SERBP1: variants seen among roughly 807,000 people sequenced by gnomAD.
SERBP1 encodes SERPINE1 mRNA binding protein 1.
In SERBP1, 6 loss-of-function variants were observed where a neutral mutation model predicts 50.2. The ratio of observed to expected loss-of-function variants is 0.12; its 90% confidence interval spans 0.07 to 0.24. The LOEUF is 0.24. SERBP1 is among the 10% of genes least tolerant of loss of function. The probability of loss-of-function intolerance (pLI) is 1.00; values close to 1 mark genes in which losing one functional copy is unlikely to be tolerated. For missense variants in SERBP1, 346 were observed against 524.9 expected (o/e 0.66, Z 3.33); for synonymous variants, 168 against 182.8 (o/e 0.92, Z 0.65).
In SERBP1 at chr1:67,412,263, CCAGA is replaced by C. The variant is rs1234731204; in HGVS notation, c.*940_*943del. On this transcript the variant is annotated 3_prime_UTR_variant, in exon 8 of 8. Transcript: ENST00000361219. ...CACACACAGAAATCATACCAAATGGCCAGACACTTATTTTACAGAACAGTTTAAA... is the reference window on the plus strand; with the variant it reads ...CACACACAGAAATCATACCAAATGGCCACTTATTTTACAGAACAGTTTAAA... 2 of 152,632 alleles carry C rather than the reference CCAGA, an allele frequency of 1.3e-5. No individual in the cohort carries two copies. Among genetic ancestry groups the C allele is most frequent in the African/African-American group, 2.4e-5 (1 of 41,448 alleles). 9.5% of individuals were successfully genotyped at this position (152,632 alleles called of 1,614,324 possible).
chr1:67,420,362 A>T, intron 5 of SERBP1, 176 bp from the exon 6 acceptor site: 1 of 542,382 alleles, frequency 1.8e-6, no homozygotes, highest in Non-Finnish European at 3.2e-6. Context: ...GAGACCAGGA[A>T]TTCAGTGTTT....
chr1:67,419,888 C>A, intron 6 of SERBP1, 121 bp downstream of exon 6: 1 of 800,176 alleles, frequency 1.2e-6, no homozygotes, highest in Non-Finnish European at 2.0e-6. Flanking sequence ...TTATCTGCCC[C>A]AAATGATCCT....
chr1:67,416,356 CTCTTT>C (rs1570283522), intron 6 of SERBP1, among the ~76,000 whole-genome samples: 1 of 152,172 alleles, frequency 6.6e-6, no homozygotes, highest in East Asian at 1.9e-4. Context: ...AATCCAGATC[CTCTTT>C]TCTATTTGCG....
intron 7 of SERBP1, among the ~76,000 whole-genome samples, chr1:67,414,185 C>T (rs1191822298): frequency 6.6e-6 from 1 of 152,202 alleles, no homozygotes; most frequent in African/African-American, 2.4e-5. Context: ...ACTTTTTCCA[C>T]TTGCTAAATA....
At chr1:67,423,524 T>G (rs1299624556) in intron 5 of SERBP1, among the ~76,000 whole-genome samples, 1 of 146,692 alleles carries the variant, frequency 6.8e-6, no homozygotes, top group Admixed American at 6.7e-5. Flanking sequence ...GAAGGATCAT[T>G]TGAGCCCAGG....
At position 67,410,096 on chromosome 1, in the gene SERBP1, G is replaced by T. The variant is rs1666778698; in HGVS notation, c.*3111C>A. The T allele has an allele frequency of 6.6e-6, 1 of 152,162 alleles. No individual in the cohort carries two copies. Among genetic ancestry groups the T allele is most frequent in the African/African-American group, 2.4e-5 (1 of 41,442 alleles). The allele number at this position is 152,162 out of a possible 1,614,324, so 9.4% of individuals were successfully genotyped here. Reference sequence around the variant, plus strand: ...AATTTGCTATACCATTGGACTGGAGGTCCACTAATATACCTGAATAATCTT... The same window carrying T: ...AATTTGCTATACCATTGGACTGGAGTTCCACTAATATACCTGAATAATCTT... On this transcript the variant is annotated 3_prime_UTR_variant, in exon 8 of 8. Transcript: ENST00000361219.
intron 1 of SERBP1, 41 bp from the exon 2 acceptor site, chr1:67,426,326 C>T: frequency 6.5e-7 from 1 of 1,534,794 alleles, no homozygotes; most frequent in Non-Finnish European, 8.7e-7. Context: ...ATTATTTTTG[C>T]AATCCAAAAA....
chr1:67,424,280 G>A lies in SERBP1; in HGVS notation c.696-3C>T, dbSNP rs41312036. 6.1e-5 allele frequency: 99 copies of A among 1,610,206 alleles called. No homozygotes were observed. Among genetic ancestry groups the A allele is most frequent in the Non-Finnish European group, 7.9e-5 (93 of 1,178,112 alleles). On this transcript the variant is annotated splice_region_variant and splice_polypyrimidine_tract_variant and intron_variant, in intron 4 of 7. Transcript: ENST00000361219. ...TCACATTTGATTGATCCAAGTCACTGTAATTATAAGATATTTGTTTCTGAA... is the reference window on the plus strand; with the variant it reads ...TCACATTTGATTGATCCAAGTCACTATAATTATAAGATATTTGTTTCTGAA...
chr1:67,426,727 C>A (rs559903300), intron 1 of SERBP1, among the ~76,000 whole-genome samples: 1 of 152,136 alleles, frequency 6.6e-6, no homozygotes, highest in Non-Finnish European at 1.5e-5. Flanking sequence ...AGCAGCCATT[C>A]ATAAATAACC....
chr1:67,426,783 G>C (rs1370647523), intron 1 of SERBP1, among the ~76,000 whole-genome samples: 1 of 151,902 alleles, frequency 6.6e-6, no homozygotes, highest in African/African-American at 2.4e-5. Context: ...ACAAAAGTGA[G>C]GGCCGCACTA....
chr1:67,410,542 C>T lies in SERBP1; in HGVS notation c.*2665G>A, dbSNP rs912583048. The T allele has an allele frequency of 1.2e-4, 18 of 152,016 alleles. No individual in the cohort carries two copies. The highest frequency in any genetic ancestry group is 4.3e-4 in the African/African-American group (18 of 41,382). 9.4% of individuals were successfully genotyped at this position (152,016 alleles called of 1,614,324 possible). On this transcript the variant is annotated 3_prime_UTR_variant, in exon 8 of 8. Coordinates refer to ENST00000361219, the MANE Select transcript of SERBP1 (RefSeq NM_001018069.2). ...CTTAACTCCACAGGTCTCAAAATAG[C>T]TAATAAAGAAACCATGTCTCCAATC...
intron 6 of SERBP1, among the ~76,000 whole-genome samples, chr1:67,416,075 C>T (rs955859202): frequency 6.7e-6 from 1 of 148,348 alleles, no homozygotes; most frequent in Non-Finnish European, 1.5e-5. Flanking sequence ...TGCAGTGGCA[C>T]GATCTGGGTT....
chr1:67,417,982 T>G (rs1435052937), intron 6 of SERBP1, among the ~76,000 whole-genome samples: 5 of 140,140 alleles, frequency 3.6e-5, no homozygotes, highest in East Asian at 4.1e-4. Flanking sequence ...TTTTTTTTTT[T>G]TTTTTTTTTT....
Position 67,430,080 on chromosome 1 carries a change from G to A in SERBP1, c.221C>T (p.Ser74Phe). 6.2e-7 allele frequency: 1 copy of A among 1,613,406 alleles called. No individual in the cohort carries two copies. The highest frequency in any genetic ancestry group is 8.5e-7 in the Non-Finnish European group (1 of 1,179,862). ...CAGCGGGTTCTTGCGGTCTTTCTGGGACTCCTTGCGCAGCTGTTTGCCTGC... is the reference window on the plus strand; with the variant it reads ...CAGCGGGTTCTTGCGGTCTTTCTGGAACTCCTTGCGCAGCTGTTTGCCTGC... ...NAAGKQLRKE[S>F]QKDRKNPLPP... Residue 74 changes from serine (S) to phenylalanine (F), a missense_variant, in exon 1 of 8, where the codon TCC (serine) becomes TTC (phenylalanine). Around this residue, in one of 5 missense-constraint regions of SERBP1, gnomAD observed 257 missense variants for 331.2 expected, o/e 0.78. Transcript: ENST00000361219.
rs72678562 is a variant in SERBP1, at chr1:67,409,520, C to T, written c.*3687G>A. ...TCATTTCCAGTGTTCATATTTTCAT[C>T]TGTGGCCAAAATCATGATGGCTTTA... is the stretch of plus-strand genomic sequence containing the variant. On this transcript the variant is annotated 3_prime_UTR_variant, in exon 8 of 8. Transcript: ENST00000361219. 39,557 of 151,644 alleles carry T rather than the reference C, an allele frequency of 0.26. 5,350 individuals are homozygous for T. Among genetic ancestry groups the T allele is most frequent in the East Asian group, 0.39 (2,014 of 5,130 alleles). 9.4% of individuals were successfully genotyped at this position (151,644 alleles called of 1,614,324 possible).
chr1:67,415,539 A>G (rs1297579204), intron 6 of SERBP1, among the ~76,000 whole-genome samples, 200 bp from the exon 7 acceptor site: 1 of 152,218 alleles, frequency 6.6e-6, no homozygotes, highest in African/African-American at 2.4e-5. Flanking sequence ...ACTTTTCTCT[A>G]TCTCAAAATT....
At chr1:67,428,996 C>T (rs180693125) in intron 1 of SERBP1, among the ~76,000 whole-genome samples, 1 of 151,964 alleles carries the variant, frequency 6.6e-6, no homozygotes, top group East Asian at 1.9e-4. Flanking sequence ...TTTTTTCATC[C>T]GCAACAAACT....
chr1:67,419,916 A>G, intron 6 of SERBP1, 93 bp downstream of exon 6: 1 of 1,114,694 alleles, frequency 9.0e-7, no homozygotes, highest in East Asian at 2.4e-5. Flanking sequence ...GCTTTAACAG[A>G]CAAATAACCC....
rs1185139349 is a variant in SERBP1, at chr1:67,410,179, A to C, written c.*3028T>G. On this transcript the variant is annotated 3_prime_UTR_variant, in exon 8 of 8. Transcript: ENST00000361219. Reference sequence around the variant, plus strand: ...AACTTCCTATTTCTCATTCCTTTGAACCTTTTAACACCTGTTGTTTCCTTC... The same window carrying C: ...AACTTCCTATTTCTCATTCCTTTGACCCTTTTAACACCTGTTGTTTCCTTC... The C allele has an allele frequency of 6.6e-6, 1 of 152,086 alleles. No homozygotes were observed. The highest frequency in any genetic ancestry group is 1.5e-5 in the Non-Finnish European group (1 of 68,006). The allele number at this position is 152,086 out of a possible 1,614,324, so 9.4% of individuals were successfully genotyped here.
Sources: gnomAD v4.1 joint callset for allele counts (sites outside exome capture counted in the v4.1 genomes callset) on GRCh38, gnomAD v4.1.1 for gene constraint, gnomAD v4.1.1 regional missense constraint, MANE v1.5 for transcripts, NCBI Gene and HGNC (gene_info 2026-07-23, HGNC 2026-07-21) for gene names.